KLF7: variants seen among roughly 807,000 people sequenced by gnomAD.
KLF7 encodes the protein KLF transcription factor 7, also known as Krueppel-like factor 7.
A neutral mutation model predicts 27.3 loss-of-function variants in KLF7; 2 were observed. That is an observed-to-expected ratio of 0.07 (90% CI 0.03 to 0.23). The LOEUF (loss-of-function observed/expected upper bound fraction) is 0.23. Ranked by LOEUF, KLF7 falls within the 10% of genes least tolerant of loss-of-function variation. The pLI, the probability that KLF7 is intolerant of heterozygous loss-of-function variation, is 1.00. For missense variants in KLF7, 221 were observed against 394.1 expected (o/e 0.56, Z 3.72); for synonymous variants, 165 against 162.4 (o/e 1.02, Z -0.12).
At position 207,080,764 on chromosome 2, in the gene KLF7, T is replaced by A. The variant is rs910967423; in HGVS notation, c.*449A>T. The A allele has an allele frequency of 5.4e-4, 216 of 400,768 alleles. No individual in the cohort carries two copies. Among genetic ancestry groups the A allele is most frequent in the Non-Finnish European group, 8.5e-4 (194 of 227,212 alleles). The allele number at this position is 400,768 out of a possible 1,614,324, so 24.8% of individuals were successfully genotyped here. On this transcript the variant is annotated 3_prime_UTR_variant, in exon 4 of 4. Coordinates refer to ENST00000309446, the MANE Select transcript of KLF7 (RefSeq NM_003709.4). ...CATTAGTGCTACACATATGCAACTT[T>A]AAGATGCTGGATTCTCCTATCAAGT...
intron 2 of KLF7, among the ~76,000 whole-genome samples, chr2:207,114,190 A>G (rs1285422451): frequency 6.6e-6 from 1 of 152,236 alleles, no homozygotes; most frequent in Non-Finnish European, 1.5e-5. Flanking sequence ...TCTCCCGAAC[A>G]CTAGGAACAT....
At chr2:207,173,540 C>T in the KLF7 span, 1 of 151,942 alleles carries the variant, frequency 6.6e-6, no homozygotes, top group Admixed American at 6.5e-5. Context: ...ACCAAGAACT[C>T]TTATTATCTT....
In KLF7 at chr2:207,128,790, T is replaced by C. The variant is rs1336102972; in HGVS notation, c.103-4386A>G. ...ATTGAGGACTATTCTACAAAGCAAA[T>C]AGCCAGTTATTCTTTAAGTGCTGGG... On this transcript the variant is annotated intron_variant, in intron 1 of 3. Coordinates refer to ENST00000309446, the MANE Select transcript of KLF7 (RefSeq NM_003709.4). 3.3e-5 allele frequency among the ~76,000 whole-genome samples: 5 copies of C among 152,156 alleles called. 1 individual carries two copies. The highest frequency in any genetic ancestry group is 4.1e-4 in the South Asian group (2 of 4,830).
intron 2 of KLF7, among the ~76,000 whole-genome samples, chr2:207,106,778 G>A (rs2076894411): frequency 6.6e-6 from 1 of 152,154 alleles, no homozygotes; most frequent in Admixed American, 6.5e-5. Context: ...GATGGTAATG[G>A]ATGCTAAGAC....
chr2:207,110,069 G>A (rs897462826), intron 2 of KLF7: 1 of 154,836 alleles, frequency 6.5e-6, no homozygotes, highest in Non-Finnish European at 1.5e-5. Context: ...GGGATGACAC[G>A]TCTGACAATG....
Position 207,134,034 on chromosome 2 carries a change from C to T in KLF7, c.103-9630G>A. The T allele has an allele frequency of 3.3e-6, 5 of 1,514,476 alleles. No individual in the cohort carries two copies. The East Asian group carries it at 1.2e-4, about 37-fold the overall frequency. 93.8% of individuals were successfully genotyped at this position (1,514,476 alleles called of 1,614,324 possible). On this transcript the variant is annotated intron_variant, in intron 1 of 3. Transcript: ENST00000309446. ...AACTTTGCACACACACTCACACACC[C>T]TCCTCAAACTCCCTGGGCCCCTTTA...
intron 2 of KLF7, among the ~76,000 whole-genome samples, chr2:207,113,637 T>C (rs1032082615): frequency 2.9e-5 from 4 of 137,010 alleles, no homozygotes; most frequent in African/African-American, 8.0e-5. Context: ...TGCAGTTACC[T>C]AGCAACCAGA....
At chr2:207,122,285 A>G (rs1416043038) in intron 2 of KLF7, among the ~76,000 whole-genome samples, 1 of 152,166 alleles carries the variant, frequency 6.6e-6, no homozygotes, top group Non-Finnish European at 1.5e-5. Context: ...ACATTATGTT[A>G]GGAGACCGTC....
At chr2:207,136,276 C>T (rs932561590) in intron 1 of KLF7, among the ~76,000 whole-genome samples, 2 of 152,114 alleles carry the variant, frequency 1.3e-5, no homozygotes, top group African/African-American at 4.8e-5. Flanking sequence ...CAGTTCCTTA[C>T]CACAGCAAAC....
At chr2:207,140,129 C>T (rs887811543) in intron 1 of KLF7, among the ~76,000 whole-genome samples, 3 of 152,070 alleles carry the variant, frequency 2.0e-5, no homozygotes, top group African/African-American at 4.8e-5. Flanking sequence ...CCTCGTGGTC[C>T]GCCCACCTCG....
At chr2:207,097,933 C>T (rs1304423644) in intron 2 of KLF7, among the ~76,000 whole-genome samples, 1 of 152,074 alleles carries the variant, frequency 6.6e-6, no homozygotes, top group Non-Finnish European at 1.5e-5. Context: ...CCACTGCTCC[C>T]CACCACCCCG....
At chr2:207,089,342 G>A (rs912592220) in intron 2 of KLF7, among the ~76,000 whole-genome samples, 4 of 152,130 alleles carry the variant, frequency 2.6e-5, no homozygotes, top group African/African-American at 9.7e-5. Context: ...TTAGCCACAG[G>A]GAAGCTGCTT....
intron 2 of KLF7, among the ~76,000 whole-genome samples, chr2:207,099,277 G>C (rs1205112628): frequency 6.6e-6 from 1 of 152,004 alleles, no homozygotes; most frequent in Non-Finnish European, 1.5e-5. Flanking sequence ...CTTTTGGAAA[G>C]CCTGAGGGCA....
intron 1 of KLF7, among the ~76,000 whole-genome samples, chr2:207,132,331 T>C (rs2077657668): frequency 6.6e-6 from 1 of 152,242 alleles, no homozygotes; most frequent in Non-Finnish European, 1.5e-5. Context: ...TACTGGTTGC[T>C]AGAGCTGAAA....
chr2:207,106,860 C>T (rs2076897190), intron 2 of KLF7, among the ~76,000 whole-genome samples: 1 of 152,106 alleles, frequency 6.6e-6, no homozygotes, highest in African/African-American at 2.4e-5. Flanking sequence ...GCTCCACTGT[C>T]CCTTTCTTGG....
Position 207,140,873 on chromosome 2 carries a change from G to A in KLF7, c.103-16469C>T, listed in dbSNP as rs149672374. On this transcript the variant is annotated intron_variant, in intron 1 of 3. Transcript: ENST00000309446. ...TCTCATTGTAAAGGGTACCTGATCC[G>A]TCTTGGACACCAAATCCTTCAACTT... Among the ~76,000 whole-genome samples, 812 of 152,262 alleles carry A rather than the reference G, an allele frequency of 5.3e-3. 4 individuals are homozygous for A. Among genetic ancestry groups the A allele is most frequent in the Non-Finnish European group, 9.0e-3 (615 of 68,016 alleles).
At chr2:207,167,160 G>A (rs1224013556), upstream of KLF7, 2 of 1,436,926 alleles carry the variant, frequency 1.4e-6, no homozygotes, top group South Asian at 2.8e-5. Flanking sequence ...CCAGCGAGGT[G>A]TCTGCAGAGC....
chr2:207,169,868 A>C (rs935434641), upstream of KLF7, among the ~76,000 whole-genome samples: 1 of 151,882 alleles, frequency 6.6e-6, no homozygotes, highest in African/African-American at 2.4e-5. Flanking sequence ...CGTGCTAATT[A>C]CTCCACCGAC....
At chr2:207,173,411 G>A in the KLF7 span, among the ~76,000 whole-genome samples, 1 of 151,972 alleles carries the variant, frequency 6.6e-6, no homozygotes, top group Non-Finnish European at 1.5e-5. Context: ...GTTAATATGT[G>A]TGTTTTTTGT....
Sources: gnomAD v4.1 joint callset for allele counts (sites outside exome capture counted in the v4.1 genomes callset) on GRCh38, gnomAD v4.1.1 for gene constraint, MANE v1.5 for transcripts, NCBI Gene and HGNC (gene_info 2026-07-23, HGNC 2026-07-21) for gene names.